YME1L1: variants seen among roughly 807,000 people sequenced by gnomAD.
YME1L1 encodes the protein YME1 like 1 ATPase.
A neutral mutation model predicts 90.4 loss-of-function variants in YME1L1; 39 were observed. The observed-to-expected ratio is 0.43, with a 90% CI of 0.33 to 0.56. The LOEUF is 0.56. Ranked by LOEUF, YME1L1 falls within the 20% of genes least tolerant of loss-of-function variation. YME1L1 has a pLI of 0.03. For missense variants in YME1L1, 617 were observed against 868.4 expected (o/e 0.71, Z 3.64); for synonymous variants, 284 against 287.3 (o/e 0.99, Z 0.12).
chr10:27,134,242 T>G lies in YME1L1; in HGVS notation c.692-120A>C, dbSNP rs1425711177. ...TTTCATCACATCCAATTTTGGAATC[T>G]GGCATTCTTTCTCACAACTGCTATG... is the stretch of plus-strand genomic sequence containing the variant. On this transcript the variant is annotated intron_variant, in intron 6 of 18. Coordinates refer to ENST00000376016, the MANE Select transcript of YME1L1 (RefSeq NM_014263.4). 1.3e-5 allele frequency: 11 copies of G among 819,722 alleles called. No homozygotes were observed. The African/African-American group carries it at 1.9e-4, about 14-fold the overall frequency. The allele number at this position is 819,722 out of a possible 1,614,324, so 50.8% of individuals were successfully genotyped here.
chr10:27,145,321 A>C lies in YME1L1; in HGVS notation c.331+107T>G, dbSNP rs541076623. 35 of 927,786 alleles carry C rather than the reference A, an allele frequency of 3.8e-5. No homozygotes were observed. The South Asian group carries it at 1.1e-3, about 29-fold the overall frequency. 57.5% of individuals were successfully genotyped at this position (927,786 alleles called of 1,614,324 possible). ...AAAAACAAAAAAAAAACACTTCAGGAAAGAACCCAGCCCACAATAAACGCT... is the reference window on the plus strand; with the variant it reads ...AAAAACAAAAAAAAAACACTTCAGGCAAGAACCCAGCCCACAATAAACGCT... On this transcript the variant is annotated intron_variant, in intron 3 of 18. Transcript: ENST00000376016.
intron 11 of YME1L1, among the ~76,000 whole-genome samples, chr10:27,122,566 G>C: frequency 6.6e-6 from 1 of 152,082 alleles, no homozygotes; most frequent in East Asian, 1.9e-4. Flanking sequence ...TGTCATAAGT[G>C]TAACAATAAA....
At chr10:27,149,190 G>A in intron 1 of YME1L1, 150 bp from the exon 2 acceptor site, 1 of 637,346 alleles carries the variant, frequency 1.6e-6, no homozygotes, top group Non-Finnish European at 2.6e-6. Flanking sequence ...TTTACTGCTG[G>A]TGAGACGAAA....
intron 1 of YME1L1, among the ~76,000 whole-genome samples, chr10:27,150,245 C>A (rs562271797): frequency 1.3e-5 from 2 of 152,002 alleles, no homozygotes; most frequent in Admixed American, 6.6e-5. Context: ...TAAATGAATA[C>A]ATTAAATGGG....
intron 7 of YME1L1, among the ~76,000 whole-genome samples, 158 bp from the exon 8 acceptor site, chr10:27,132,099 T>C (rs577450230): frequency 3.6e-4 from 52 of 145,162 alleles, no homozygotes; most frequent in African/African-American, 1.3e-3. Context: ...CTAGGTCTTC[T>C]GGATTTCTTT....
At chr10:27,118,066 G>A (rs1301184256) in intron 14 of YME1L1, among the ~76,000 whole-genome samples, 1 of 152,284 alleles carries the variant, frequency 6.6e-6, no homozygotes, top group East Asian at 1.9e-4. Context: ...GTATCCACAT[G>A]GGTCCTGGAA....
chr10:27,139,865 A>G (rs549543266), intron 4 of YME1L1, among the ~76,000 whole-genome samples: 1 of 152,162 alleles, frequency 6.6e-6, no homozygotes, highest in East Asian at 1.9e-4. Context: ...AGAATTGTTA[A>G]ATTGTTCCTT....
rs2056745214 is a variant in YME1L1, at chr10:27,110,177, A to G, written c.*1800T>C. 1 of 152,212 alleles carries G rather than the reference A, an allele frequency of 6.6e-6. No individual in the cohort carries two copies. Among genetic ancestry groups the G allele is most frequent in the Non-Finnish European group, 1.5e-5 (1 of 68,034 alleles). The allele number at this position is 152,212 out of a possible 1,614,324, so 9.4% of individuals were successfully genotyped here. A position where few individuals can be genotyped will look rare whatever the true frequency, so the allele number is the denominator to read the frequency against. On this transcript the variant is annotated 3_prime_UTR_variant, in exon 19 of 19. Coordinates refer to ENST00000376016, the MANE Select transcript of YME1L1 (RefSeq NM_014263.4). Reference sequence around the variant, plus strand: ...ACAAATATGTAAAAAAATTTAAGACAGATAAGACTTTATCAATATTTTATA... The same window carrying G: ...ACAAATATGTAAAAAAATTTAAGACGGATAAGACTTTATCAATATTTTATA...
At chr10:27,135,094 T>C in intron 5 of YME1L1, 113 bp from the exon 6 acceptor site, 1 of 1,023,272 alleles carries the variant, frequency 9.8e-7, no homozygotes. Context: ...TTACTGTCAA[T>C]GTGAAGAAAC....
At chr10:27,147,900 C>CT (rs2135903228) in intron 2 of YME1L1, among the ~76,000 whole-genome samples, 1 of 152,180 alleles carries the variant, frequency 6.6e-6, no homozygotes, top group South Asian at 2.1e-4. Flanking sequence ...TCCCAGTATC[C>CT]TAGAGGGCAG....
intron 9 of YME1L1, among the ~76,000 whole-genome samples, chr10:27,126,214 G>C (rs11015553): frequency 0.22 from 34,027 of 152,006 alleles, 4,103 homozygotes; most frequent in East Asian, 0.41. Context: ...AGGCCAAAGT[G>C]AGTGGATCGC....
chr10:27,122,432 T>C (rs1313755964), intron 11 of YME1L1, among the ~76,000 whole-genome samples: 1 of 152,234 alleles, frequency 6.6e-6, no homozygotes, highest in East Asian at 1.9e-4. Flanking sequence ...TCTTGCTTCT[T>C]ATATTATGAA....
intron 18 of YME1L1, among the ~76,000 whole-genome samples, chr10:27,113,678 A>G (rs1156833991): frequency 6.6e-6 from 1 of 151,522 alleles, no homozygotes; most frequent in East Asian, 1.9e-4. Context: ...GTCTCAAAAA[A>G]AAAAAAAAAA....
At position 27,110,637 on chromosome 10, in the gene YME1L1, G is replaced by A. The variant is rs1349930149; in HGVS notation, c.*1340C>T. On this transcript the variant is annotated 3_prime_UTR_variant, in exon 19 of 19. Coordinates refer to ENST00000376016, the MANE Select transcript of YME1L1 (RefSeq NM_014263.4). ...AAAGTAAACACAACTTGGCATTTCT[G>A]ACGCAGGGTAACACAAAGTTCACTT... 1.3e-5 allele frequency: 2 copies of A among 152,124 alleles called. No homozygotes were observed. The allele number at this position is 152,124 out of a possible 1,614,324, so 9.4% of individuals were successfully genotyped here. A position where few individuals can be genotyped will look rare whatever the true frequency, so the allele number is the denominator to read the frequency against.
intron 14 of YME1L1, among the ~76,000 whole-genome samples, chr10:27,118,936 T>C (rs1255412102): frequency 6.6e-6 from 1 of 152,182 alleles, no homozygotes; most frequent in Non-Finnish European, 1.5e-5. Context: ...AATTGTGGTG[T>C]TGTCAAGTAT....
intron 2 of YME1L1, 159 bp from the exon 3 acceptor site, chr10:27,145,749 G>T: frequency 1.6e-6 from 1 of 631,386 alleles, no homozygotes; most frequent in African/African-American, 1.8e-5. Context: ...TATTTTCACA[G>T]TTCGTTTTAC....
At chr10:27,148,734 G>A (rs565250339) in intron 2 of YME1L1, among the ~76,000 whole-genome samples, 172 bp downstream of exon 2, 5 of 149,472 alleles carry the variant, frequency 3.3e-5, no homozygotes, top group African/African-American at 1.0e-4. Flanking sequence ...TTATTTTATC[G>A]GTAAGGCTTC....
At chr10:27,125,184 A>C (rs1423652957) in intron 9 of YME1L1, among the ~76,000 whole-genome samples, 1 of 152,192 alleles carries the variant, frequency 6.6e-6, no homozygotes, top group Non-Finnish European at 1.5e-5. Context: ...CCTTGAATTA[A>C]GATGAAACAC....
intron 4 of YME1L1, among the ~76,000 whole-genome samples, chr10:27,139,994 A>G (rs2057069580): frequency 6.6e-6 from 1 of 151,802 alleles, no homozygotes; most frequent in Non-Finnish European, 1.5e-5. Context: ...TTTATTTTCT[A>G]TCTTTATATC....
Sources: allele counts gnomAD v4.1 joint callset (sites outside exome capture counted in the v4.1 genomes callset), GRCh38; gene constraint gnomAD v4.1.1; transcripts MANE v1.5; gene names NCBI Gene and HGNC (gene_info 2026-07-23, HGNC 2026-07-21).